KNG1: variants seen among roughly 807,000 people sequenced by gnomAD.
The protein encoded by KNG1 is kininogen-1.
Under a neutral mutation model 47.8 loss-of-function variants are expected in KNG1, and 23 were observed. The observed-to-expected ratio is 0.48, with a 90% CI of 0.35 to 0.68. The LOEUF (loss-of-function observed/expected upper bound fraction) is 0.68. Among genes scored for constraint, KNG1 ranks in the 30% least tolerant of loss-of-function variants. The probability of loss-of-function intolerance (pLI) is 0.01; values close to 1 mark genes in which losing one functional copy is unlikely to be tolerated. For missense variants in KNG1, 762 were observed against 790.2 expected, an observed-to-expected ratio of 0.96 and a Z score of 0.43; for synonymous variants, 277 against 277.0, an observed-to-expected ratio of 1.00 and a Z score of 0.00.
intron 9 of KNG1, among the ~76,000 whole-genome samples, chr3:186,740,108 A>T (rs558688321): frequency 1.3e-5 from 2 of 152,200 alleles, no homozygotes; most frequent in East Asian, 3.9e-4. Flanking sequence ...CAGCTACCGA[A>T]TTTTAACCAG....
chr3:186,738,881 AT>A lies in KNG1; in HGVS notation c.931-215del, dbSNP rs200942980. The stretch of plus-strand genomic sequence containing the variant: ...AAATAAAGAAAATTATAGCTTGCTT[AT>A]TTCTTCCCCCACTTAGAAAAGGAAA... On this transcript the variant is annotated intron_variant, in intron 7 of 9. Transcript: ENST00000644859. 4.7e-3 allele frequency: 2,409 copies of A among 512,332 alleles called. 59 individuals carry two copies. The highest frequency in any genetic ancestry group is 0.045 in the Admixed American group (1,341 of 29,528). The allele number at this position is 512,332 out of a possible 1,614,324, so 31.7% of individuals were successfully genotyped here.
In KNG1 at chr3:186,717,679, G is replaced by C; in HGVS notation, c.137G>C (p.Ser46Thr). ...AVDAALKKYN[S>T]QNQSNNQFVL... Reference sequence around the variant, plus strand: ...GATGCTGCTCTGAAGAAATATAACAGTCAAAACCAAAGTAACAACCAGTTT... The same window carrying C: ...GATGCTGCTCTGAAGAAATATAACACTCAAAACCAAAGTAACAACCAGTTT... Residue 46 changes from serine to threonine, a missense_variant, in exon 1 of 10, where the codon AGT becomes ACT. Physicochemically the swap from Ser to Thr is moderately conservative, Grantham distance 58. Coordinates refer to ENST00000644859, the MANE Select transcript of KNG1 (RefSeq NM_001102416.3). 1 of 1,613,152 alleles carries C rather than the reference G, an allele frequency of 6.2e-7. No homozygotes were observed. The highest frequency in any genetic ancestry group is 8.5e-7 in the Non-Finnish European group (1 of 1,179,876).
rs528569560 is a variant in KNG1, at chr3:186,742,140, C to T, written c.1744C>T (p.Gln582Ter). 1.9e-6 allele frequency: 3 copies of T among 1,614,184 alleles called. No individual in the cohort carries two copies. The highest frequency in any genetic ancestry group is 4.5e-5 in the East Asian group (2 of 44,880). ...GCCTCCTATATCACCAGCTCCCATA[C>T]AGAGTGATGACGATTGGATCCCTGA... The part of the protein sequence containing the change: ...MMPPISPAPI[Q>*]SDDDWIPDIQ... Residue 582 changes from glutamine (Q) to a stop codon, truncating the protein, a stop_gained, in exon 10 of 10, where the codon CAG (glutamine) becomes TAG (stop). Coordinates refer to ENST00000644859, the MANE Select transcript of KNG1 (RefSeq NM_001102416.3). LOFTEE classifies it high-confidence loss of function.
At chr3:186,733,106 T>C (rs1656926) in intron 7 of KNG1, among the ~76,000 whole-genome samples, 117,000 of 151,776 alleles carry the variant, frequency 0.77, 45,137 homozygotes, top group Middle Eastern at 0.87. Flanking sequence ...ATTAGCCGGG[T>C]GTGGTGGTGC....
intron 4 of KNG1, among the ~76,000 whole-genome samples, chr3:186,726,849 T>C (rs1720385932): frequency 6.6e-6 from 1 of 152,166 alleles, no homozygotes; most frequent in African/African-American, 2.4e-5. Flanking sequence ...AAAGTTTTCT[T>C]TATCCGTCTA....
chr3:186,743,715 G>A lies in KNG1; in HGVS notation c.*1384G>A. The A allele has an allele frequency of 6.2e-7, 1 of 1,613,692 alleles. No homozygotes were observed. The highest frequency in any genetic ancestry group is 1.1e-5 in the South Asian group (1 of 91,070). On this transcript the variant is annotated 3_prime_UTR_variant, in exon 10 of 10. Coordinates refer to ENST00000644859, the MANE Select transcript of KNG1 (RefSeq NM_001102416.3). ...TTACTATACTTACAGAGTCACCTAA[G>A]GTCCTGCGAGTACAAGGGTCGACCC... is the stretch of plus-strand genomic sequence containing the variant.
At chr3:186,735,232 T>A (rs1372065932) in intron 7 of KNG1, among the ~76,000 whole-genome samples, 2 of 152,298 alleles carry the variant, frequency 1.3e-5, no homozygotes, top group South Asian at 2.1e-4. Context: ...ATGCCTGTGA[T>A]CCCAGTACTT....
In KNG1 at chr3:186,741,977, T is replaced by C. The variant is rs770871543; in HGVS notation, c.1581T>C (p.Ser527=). ...NGWKTEHLAS[S]SEDSTTPSAQ... is the part of the protein sequence containing the mutation. The stretch of plus-strand genomic sequence containing the variant: ...GGAAAACAGAGCATTTGGCAAGCTC[T>C]TCTGAAGACAGTACTACACCTTCTG... The change falls in exon 10 of 10, where the codon TCT becomes TCC. Residue 527 remains serine (S), a synonymous_variant. Transcript: ENST00000644859. The C allele has an allele frequency of 6.2e-7, 1 of 1,614,122 alleles. No homozygotes were observed. The highest frequency in any genetic ancestry group is 1.1e-5 in the South Asian group (1 of 91,084).
chr3:186,720,646 A>G (rs775353809), intron 2 of KNG1: 3 of 252,994 alleles, frequency 1.2e-5, no homozygotes, highest in Non-Finnish European at 2.3e-5. Context: ...TCTGCTGTAT[A>G]TGGGAGATAA....
At chr3:186,737,059 A>G (rs1404081385) in intron 7 of KNG1, among the ~76,000 whole-genome samples, 4 of 152,122 alleles carry the variant, frequency 2.6e-5, no homozygotes, top group African/African-American at 4.8e-5. Flanking sequence ...TAAAAGAAAA[A>G]AGACACCAGT....
chr3:186,726,526 G>T lies in KNG1; in HGVS notation c.565-711G>T, dbSNP rs75802717. On this transcript the variant is annotated intron_variant, in intron 4 of 9. Coordinates refer to ENST00000644859, the MANE Select transcript of KNG1 (RefSeq NM_001102416.3). The stretch of plus-strand genomic sequence containing the variant: ...GCTGGTCTTAAATTCCTGACCTCAG[G>T]TGTTCCTCCCGTCTCGGCCTCCCAA... Among the ~76,000 whole-genome samples, 381 of 151,352 alleles carry T rather than the reference G, an allele frequency of 2.5e-3. 2 individuals carry two copies. Among genetic ancestry groups the T allele is most frequent in the African/African-American group, 9.0e-3 (369 of 41,172 alleles).
At chr3:186,726,777 G>C (rs944463882) in intron 4 of KNG1, among the ~76,000 whole-genome samples, 2 of 152,124 alleles carry the variant, frequency 1.3e-5, no homozygotes, top group Non-Finnish European at 2.9e-5. Flanking sequence ...TAAAGTAGAA[G>C]AAATCTTACT....
chr3:186,720,276 T>C (rs749680544), intron 2 of KNG1, 61 bp downstream of exon 2: 6 of 1,041,756 alleles, frequency 5.8e-6, no homozygotes, highest in Admixed American at 1.8e-5. Flanking sequence ...CAGATTTTTT[T>C]ACTGATGCAG....
intron 5 of KNG1, among the ~76,000 whole-genome samples, chr3:186,730,566 G>A (rs961370105): frequency 2.7e-5 from 4 of 146,580 alleles, no homozygotes; most frequent in Non-Finnish European, 3.0e-5. Flanking sequence ...TGAGGCAGGA[G>A]AATCACTTGA....
chr3:186,734,286 T>C (rs1720614809), intron 7 of KNG1, among the ~76,000 whole-genome samples: 2 of 152,188 alleles, frequency 1.3e-5, no homozygotes, highest in South Asian at 2.1e-4. Context: ...AAATGATTAA[T>C]ATGAGAATGA....
chr3:186,738,942 C>T, intron 7 of KNG1, 157 bp from the exon 8 acceptor site: 1 of 652,624 alleles, frequency 1.5e-6, no homozygotes, highest in Non-Finnish European at 2.7e-6. Flanking sequence ...TTTAAATATG[C>T]ATGCCAAGCT....
chr3:186,736,001 G>A (rs1270666714), intron 7 of KNG1: 2 of 152,094 alleles, frequency 1.3e-5, no homozygotes, highest in African/African-American at 4.8e-5. Context: ...TATGTCAGAG[G>A]TTTGCCATCA....
In KNG1 at chr3:186,725,197, TAAC is replaced by T. The variant is rs778378282; in HGVS notation, c.509_511del (p.Asn170del). 75 of 1,614,026 alleles carry T rather than the reference TAAC, an allele frequency of 4.6e-5. No individual in the cohort carries two copies. The highest frequency in any genetic ancestry group is 5.6e-5 in the Non-Finnish European group (66 of 1,180,012). Reference sequence around the variant, plus strand: ...TTCTGAGACACGGCATTCAGTACTTTAACAACAACACTCAACATTCCTCCCTCT... The same window carrying T: ...TTCTGAGACACGGCATTCAGTACTTTAACAACACTCAACATTCCTCCCTCT... On this transcript the variant is annotated inframe_deletion, in exon 4 of 10. Transcript: ENST00000644859.
At chr3:186,727,020 A>ATGTGTG (rs139519865) in intron 4 of KNG1, among the ~76,000 whole-genome samples, 16 of 104,684 alleles carry the variant, frequency 1.5e-4, no homozygotes, top group African/African-American at 4.2e-4. Flanking sequence ...CTAGCGGTGT[A>ATGTGTG]TGTGTGTGTG....
Sources: gnomAD v4.1 joint callset for allele counts (sites outside exome capture counted in the v4.1 genomes callset) on GRCh38, gnomAD v4.1.1 for gene constraint, MANE v1.5 for transcripts, NCBI Gene and HGNC (gene_info 2026-07-23, HGNC 2026-07-21) for gene names.